BACH2: variants seen among roughly 807,000 people sequenced by gnomAD.
BACH2 encodes BACH transcriptional regulator 2, also known as transcription regulator protein BACH2.
In BACH2, 5 loss-of-function variants were observed where a neutral mutation model predicts 61.8. The ratio of observed to expected loss-of-function variants is 0.08; its 90% CI spans 0.04 to 0.17. BACH2 has a LOEUF of 0.17. BACH2 is among the 10% of genes least tolerant of loss of function. The pLI is 1.00. For missense variants in BACH2, 824 were observed against 1,091.1 expected, an observed-to-expected ratio of 0.76 and a Z score of 3.45; for synonymous variants, 446 against 440.1, an observed-to-expected ratio of 1.01 and a Z score of -0.17.
intron 7 of BACH2, among the ~76,000 whole-genome samples, chr6:89,943,904 G>A (rs1402651653): frequency 6.6e-6 from 1 of 152,218 alleles, no homozygotes; most frequent in Non-Finnish European, 1.5e-5. Flanking sequence ...CCTGTACTCT[G>A]AGGAGACCCT....
At chr6:90,292,523 G>A (rs969806174) in intron 1 of BACH2, among the ~76,000 whole-genome samples, 5 of 152,148 alleles carry the variant, frequency 3.3e-5, no homozygotes, top group East Asian at 1.9e-4. Context: ...TAAATTATTC[G>A]GCCTTTCATG....
intron 3 of BACH2, among the ~76,000 whole-genome samples, chr6:90,213,644 G>A (rs2127852725): frequency 6.6e-6 from 1 of 152,214 alleles, no homozygotes; most frequent in African/African-American, 2.4e-5. Context: ...CTAAAGCTGG[G>A]GGAAATTCTT....
chr6:90,118,165 T>TC (rs1783480950), intron 4 of BACH2, among the ~76,000 whole-genome samples: 1 of 152,216 alleles, frequency 6.6e-6, no homozygotes, highest in Admixed American at 6.5e-5. Context: ...CAAAGCCGTC[T>TC]CCTATGGACA....
chr6:90,293,099 C>T (rs948255248), intron 1 of BACH2, among the ~76,000 whole-genome samples: 1 of 152,158 alleles, frequency 6.6e-6, no homozygotes, highest in African/African-American at 2.4e-5. Context: ...AACAGCAGAA[C>T]CTTATACCAA....
intron 3 of BACH2, among the ~76,000 whole-genome samples, chr6:90,219,534 G>A (rs375098441): frequency 5.1e-4 from 78 of 152,046 alleles, no homozygotes; most frequent in African/African-American, 1.7e-3. Flanking sequence ...CATTCATCAC[G>A]TACAAAGAAA....
At chr6:90,045,069 G>A (rs1018494660) in intron 5 of BACH2, among the ~76,000 whole-genome samples, 1 of 152,138 alleles carries the variant, frequency 6.6e-6, no homozygotes, top group Non-Finnish European at 1.5e-5. Context: ...GCAAGTTTAT[G>A]CTCAGGAAGG....
At chr6:90,205,157 G>A (rs1279160938) in intron 4 of BACH2, among the ~76,000 whole-genome samples, 1 of 152,098 alleles carries the variant, frequency 6.6e-6, no homozygotes, top group Non-Finnish European at 1.5e-5. Flanking sequence ...ACTGGAAGAG[G>A]GTCCTTTAGT....
chr6:89,998,398 A>G (rs879358697), intron 6 of BACH2, among the ~76,000 whole-genome samples: 1 of 152,186 alleles, frequency 6.6e-6, no homozygotes, highest in Non-Finnish European at 1.5e-5. Flanking sequence ...GGTGATGCCA[A>G]TGTCAGTTAC....
intron 5 of BACH2, among the ~76,000 whole-genome samples, chr6:90,056,038 C>CA (rs1335286445): frequency 6.6e-6 from 1 of 152,180 alleles, no homozygotes; most frequent in Non-Finnish European, 1.5e-5. Context: ...TAAAGACCAT[C>CA]AAGGCTAGGA....
intron 6 of BACH2, among the ~76,000 whole-genome samples, chr6:89,976,236 C>A (rs193194080): frequency 6.6e-6 from 1 of 152,146 alleles, no homozygotes; most frequent in African/African-American, 2.4e-5. Context: ...GCTCTTTGTA[C>A]GCAAGAGCGT....
At chr6:90,295,711 T>A (rs1772333201) in intron 1 of BACH2, among the ~76,000 whole-genome samples, 1 of 151,984 alleles carries the variant, frequency 6.6e-6, no homozygotes, top group East Asian at 1.9e-4. Flanking sequence ...GGAGGATCTG[T>A]GGGAGAGGAG....
At chr6:90,272,260 G>T (rs1230964413) in intron 1 of BACH2, among the ~76,000 whole-genome samples, 1 of 149,390 alleles carries the variant, frequency 6.7e-6, no homozygotes, top group Non-Finnish European at 1.5e-5. Flanking sequence ...CTGTTCAGTA[G>T]TTTTTTTTTT....
chr6:89,942,937 C>G (rs957894471), intron 7 of BACH2, among the ~76,000 whole-genome samples: 1 of 152,204 alleles, frequency 6.6e-6, no homozygotes, highest in Non-Finnish European at 1.5e-5. Context: ...CTGCTAAGCA[C>G]GGCTATAGGA....
At chr6:90,266,741 G>C (rs1771345369) in intron 2 of BACH2, among the ~76,000 whole-genome samples, 1 of 152,132 alleles carries the variant, frequency 6.6e-6, no homozygotes, top group Admixed American at 6.6e-5. Context: ...GTGGTTTCCA[G>C]GGGTTGAGGG....
Position 90,211,588 on chromosome 6 carries a change from CTGTGTGTGTGTGTG to C in BACH2, c.-274-4921_-274-4908del, listed in dbSNP as rs3072674. On this transcript the variant is annotated intron_variant, in intron 3 of 8. Coordinates refer to ENST00000257749, the MANE Select transcript of BACH2 (RefSeq NM_021813.4). The stretch of plus-strand genomic sequence containing the variant: ...AAGAGAAGCTTAAAAGTGTCAAGGG[CTGTGTGTGTGTGTG>C]TGTGTGTGTGTGTGTGTGTGTGTGT... Among the ~76,000 whole-genome samples the C allele has an allele frequency of 9.1e-4, 131 of 144,120 alleles. 2 individuals carry two copies. The Middle Eastern group carries it at 0.01, about 11-fold the overall frequency. 94.5% of individuals were successfully genotyped at this position (144,120 alleles called of 152,430 possible).
chr6:89,967,046 G>A (rs1775082817), intron 6 of BACH2, among the ~76,000 whole-genome samples: 1 of 152,136 alleles, frequency 6.6e-6, no homozygotes, highest in Non-Finnish European at 1.5e-5. Flanking sequence ...AGGCAGGGGA[G>A]AAAGAAATTT....
intron 5 of BACH2, among the ~76,000 whole-genome samples, chr6:90,048,123 A>AT (rs111702545): frequency 0.058 from 8,593 of 148,954 alleles, 755 homozygotes; most frequent in African/African-American, 0.2. Flanking sequence ...AGGTCTTTCT[A>AT]TTTTTTTTTT....
chr6:90,037,650 T>A (rs9451325), intron 5 of BACH2, among the ~76,000 whole-genome samples: 3,697 of 152,320 alleles, frequency 0.024, 165 homozygotes, highest in African/African-American at 0.084. Flanking sequence ...GATACTCTTT[T>A]AAAAGTTCAT....
intron 4 of BACH2, among the ~76,000 whole-genome samples, chr6:90,167,885 T>C (rs1273114663): frequency 6.6e-6 from 1 of 152,256 alleles, no homozygotes. Context: ...GAAACTGGTG[T>C]AACCTCTTTG....
Sources: allele counts gnomAD v4.1 joint callset (sites outside exome capture counted in the v4.1 genomes callset), GRCh38; gene constraint gnomAD v4.1.1; transcripts MANE v1.5; gene names NCBI Gene and HGNC (gene_info 2026-07-23, HGNC 2026-07-21).